UBAP1: variants seen among roughly 807,000 people sequenced by gnomAD.
UBAP1 encodes ubiquitin associated protein 1, also known as ubiquitin-associated protein 1.
Under a neutral mutation model 39.0 loss-of-function variants are expected in UBAP1, and 5 were observed. The ratio of observed to expected loss-of-function variants is 0.13; its 90% CI spans 0.07 to 0.27. UBAP1 has a LOEUF of 0.27. UBAP1 is among the 10% of genes least tolerant of loss of function. UBAP1 has a pLI of 1.00. For synonymous variants in UBAP1, 211 were observed against 225.1 expected (o/e 0.94, Z 0.56); for missense variants, 490 against 608.1 (o/e 0.81, Z 2.04).
chr9:34,179,847 C>A (rs912766709), intron 1 of UBAP1, among the ~76,000 whole-genome samples: 6 of 152,090 alleles, frequency 3.9e-5, no homozygotes, highest in African/African-American at 1.4e-4. Context: ...TGTGGAACGT[C>A]AGGTTCATTT....
intron 2 of UBAP1, among the ~76,000 whole-genome samples, chr9:34,229,551 C>T (rs146722729): frequency 1.5e-3 from 218 of 147,190 alleles, no homozygotes; most frequent in Non-Finnish European, 2.5e-3. Flanking sequence ...CCACTGTACT[C>T]GGCCTGACAT....
At chr9:34,226,419 T>C (rs763851697) in intron 2 of UBAP1, among the ~76,000 whole-genome samples, 40 of 152,056 alleles carry the variant, frequency 2.6e-4, no homozygotes, top group Non-Finnish European at 5.6e-4. Context: ...GTATTTTTAG[T>C]AGAGACAGGG....
At chr9:34,227,672 C>G (rs1833174699) in intron 2 of UBAP1, among the ~76,000 whole-genome samples, 1 of 152,178 alleles carries the variant, frequency 6.6e-6, no homozygotes, top group Admixed American at 6.6e-5. Context: ...TATGCAGAAC[C>G]TAACTTCAAG....
intron 3 of UBAP1, among the ~76,000 whole-genome samples, chr9:34,238,924 C>T (rs1308780769): frequency 1.3e-5 from 2 of 152,202 alleles, no homozygotes; most frequent in Non-Finnish European, 2.9e-5. Context: ...CAGTCTGAAG[C>T]ACCAATAAAA....
At chr9:34,218,470 T>C (rs1163194841) in intron 1 of UBAP1, among the ~76,000 whole-genome samples, 1 of 151,786 alleles carries the variant, frequency 6.6e-6, no homozygotes, top group Non-Finnish European at 1.5e-5. Context: ...ATTTTTATTG[T>C]GGTTATAGAA....
At chr9:34,244,396 C>T (rs1202576525) in intron 4 of UBAP1, among the ~76,000 whole-genome samples, 2 of 132,102 alleles carry the variant, frequency 1.5e-5, no homozygotes, top group Admixed American at 1.6e-4. Flanking sequence ...CATGGCTGAA[C>T]GGTACTCCAT....
intron 1 of UBAP1, among the ~76,000 whole-genome samples, chr9:34,188,751 G>A (rs1196920988): frequency 6.6e-6 from 1 of 152,086 alleles, no homozygotes; most frequent in East Asian, 1.9e-4. Context: ...GAGGTCAGGA[G>A]TTCGAGACCA....
chr9:34,231,910 C>T (rs1352153306), intron 2 of UBAP1, among the ~76,000 whole-genome samples: 1 of 152,002 alleles, frequency 6.6e-6, no homozygotes, highest in Non-Finnish European at 1.5e-5. Context: ...GGATTACAGG[C>T]GTGAGCCACT....
chr9:34,185,835 A>G (rs185844231), intron 1 of UBAP1, among the ~76,000 whole-genome samples: 91 of 152,308 alleles, frequency 6.0e-4, no homozygotes, highest in African/African-American at 2.1e-3. Context: ...GACAGAACGC[A>G]TCTCTGTCTC....
In UBAP1 at chr9:34,235,965, A is replaced by G. The variant is rs191402997; in HGVS notation, c.159+1625A>G. Among the ~76,000 whole-genome samples, 503 of 151,792 alleles carry G rather than the reference A, an allele frequency of 3.3e-3. 3 individuals are homozygous for G. The highest frequency in any genetic ancestry group is 0.011 in the African/African-American group (443 of 41,344). On this transcript the variant is annotated intron_variant, in intron 3 of 6. Transcript: ENST00000297661. ...CGCCTCCACCTCCTGGGTTCAAGCA[A>G]TTCTCCTGCCTCAGCCTTCTAAGTA...
chr9:34,211,863 A>G (rs1005030486), intron 1 of UBAP1: 90 of 207,380 alleles, frequency 4.3e-4, no homozygotes, highest in African/African-American at 2.0e-3. Context: ...GATGTCTTTA[A>G]CCAGTAATTC....
At chr9:34,249,684 T>G in intron 4 of UBAP1, 95 bp from the exon 5 acceptor site, 1 of 1,192,644 alleles carries the variant, frequency 8.4e-7, no homozygotes, top group Non-Finnish European at 1.2e-6. Flanking sequence ...GGGGCTTGAA[T>G]AGTGTCAGAA....
chr9:34,234,443 A>G, intron 3 of UBAP1, 103 bp downstream of exon 3: 1 of 1,360,858 alleles, frequency 7.3e-7, no homozygotes, highest in Non-Finnish European at 1.0e-6. Flanking sequence ...GAGCTGAATC[A>G]TGTTTTGGTC....
intron 1 of UBAP1, among the ~76,000 whole-genome samples, chr9:34,209,710 T>G (rs918416000): frequency 3.3e-5 from 5 of 151,758 alleles, no homozygotes; most frequent in African/African-American, 1.2e-4. Context: ...CTATTTTTTT[T>G]TTTGTTTGTG....
Position 34,202,668 on chromosome 9 carries a change from TGTGTGTGTGTCCCC to T in UBAP1, c.-7-18237_-7-18224del, listed in dbSNP as rs1210129290. Among the ~76,000 whole-genome samples the T allele has an allele frequency of 7.1e-4, 105 of 147,360 alleles. 2 individuals are homozygous for T. Among genetic ancestry groups the T allele is most frequent in the Admixed American group, 5.7e-3 (83 of 14,664 alleles). ...GTGTGTGTGTGTGTGTGTGTGTGTG[TGTGTGTGTGTCCCC>T]GTCCCCGTATATGTATGTATCATAA... On this transcript the variant is annotated intron_variant, in intron 1 of 6. Transcript: ENST00000297661.
intron 4 of UBAP1, 21 bp downstream of exon 4, chr9:34,242,129 G>A (rs781152337): frequency 5.8e-6 from 9 of 1,550,098 alleles, no homozygotes; most frequent in African/African-American, 1.4e-5. Context: ...TAAATCCCCC[G>A]CCGACTCCCA....
At chr9:34,203,170 TGTG>T (rs1323229025) in intron 1 of UBAP1, among the ~76,000 whole-genome samples, 3 of 152,046 alleles carry the variant, frequency 2.0e-5, no homozygotes, top group Admixed American at 2.0e-4. Context: ...ATCAGCTAGG[TGTG>T]GTGGTACATT....
At chr9:34,242,835 T>C (rs1314131413) in intron 4 of UBAP1, among the ~76,000 whole-genome samples, 1 of 152,162 alleles carries the variant, frequency 6.6e-6, no homozygotes, top group Non-Finnish European at 1.5e-5. Context: ...AGCTTACAGA[T>C]TTTTTAATGT....
intron 1 of UBAP1, among the ~76,000 whole-genome samples, chr9:34,205,402 A>G (rs926021036): frequency 6.6e-6 from 1 of 152,222 alleles, no homozygotes; most frequent in African/African-American, 2.4e-5. Flanking sequence ...CACAAGACTT[A>G]TAATTTCAGA....
Sources: gnomAD v4.1 joint callset for allele counts (sites outside exome capture counted in the v4.1 genomes callset) on GRCh38, gnomAD v4.1.1 for gene constraint, MANE v1.5 for transcripts, NCBI Gene and HGNC (gene_info 2026-07-23, HGNC 2026-07-21) for gene names.